The following HLA-DQB2 variants were observed in gnomAD, a reference collection of about 807,000 sequenced individuals.
HLA-DQB2 encodes the protein HLA class II histocompatibility antigen, DQ beta 2 chain.
A neutral mutation model predicts 29.2 loss-of-function variants in HLA-DQB2; 24 were observed. That is an observed-to-expected ratio of 0.82 (90% CI 0.60 to 1.16). HLA-DQB2 has a LOEUF of 1.16. Ranked by LOEUF, HLA-DQB2 falls within the 50% of genes most tolerant of loss-of-function variation. The pLI, the probability that HLA-DQB2 is intolerant of heterozygous loss-of-function variation, is 0.00. For synonymous variants in HLA-DQB2, 104 were observed against 133.1 expected, an observed-to-expected ratio of 0.78 and a Z score of 1.51; for missense variants, 273 against 343.6, an observed-to-expected ratio of 0.79 and a Z score of 1.62.
chr6:32,760,281 A>G (rs1468683422), intron 2 of HLA-DQB2, among the ~76,000 whole-genome samples: 2 of 152,008 alleles, frequency 1.3e-5, no homozygotes, highest in Non-Finnish European at 2.9e-5. Flanking sequence ...AACAGGCAGG[A>G]ATAGACCCAT....
chr6:32,761,575 A>C, intron 2 of HLA-DQB2, 85 bp downstream of exon 2: 1 of 1,421,314 alleles, frequency 7.0e-7, no homozygotes. Flanking sequence ...TCGGTCCTTG[A>C]GGCCGCGCCG....
chr6:32,759,017 C>G lies in HLA-DQB2; in HGVS notation c.479G>C (p.Arg160Pro), dbSNP rs576438613. 2.8e-5 allele frequency: 46 copies of G among 1,614,132 alleles called. No individual in the cohort carries two copies. The highest frequency in any genetic ancestry group is 3.9e-5 in the Non-Finnish European group (46 of 1,180,058). ...YPAQIKVRWFRNDQEETAGVV... is the reference protein window; with the variant it reads ...YPAQIKVRWFPNDQEETAGVV... ...ACCGGCTGTCTCCTCCTGGTCATTC[C>G]GAAACCACCGGACTTTGATCTGGGC... The change falls in exon 3 of 6, where the codon CGG (arginine) becomes CCG (proline). Residue 160 changes from arginine (R) to proline (P), a missense_variant. Transcript: ENST00000437316.
At chr6:32,758,081 C>T (rs899729797) in intron 3 of HLA-DQB2, among the ~76,000 whole-genome samples, 198 bp from the exon 4 acceptor site, 7 of 152,200 alleles carry the variant, frequency 4.6e-5, no homozygotes, top group Non-Finnish European at 7.3e-5. Flanking sequence ...GGACTTCATC[C>T]ATAACCTTAA....
intron 5 of HLA-DQB2, chr6:32,757,036 T>TTTTGAGACAGAC (rs1764318713): frequency 7.2e-7 from 1 of 1,382,382 alleles, no homozygotes. Context: ...TTTTTTTTTT[T>TTTTGAGACAGAC]TGAGACAGAC....
chr6:32,759,261 G>A (rs780211868), intron 2 of HLA-DQB2, 130 bp from the exon 3 acceptor site: 78,153 of 869,250 alleles, frequency 0.09, no homozygotes, highest in Middle Eastern at 0.12. Context: ...TTGGATTAAG[G>A]TTCCTTCAAC....
Position 32,758,874 on chromosome 6 carries a change from G to A in HLA-DQB2, c.622C>T (p.Gln208Ter). Residue 208 changes from glutamine to a stop codon, truncating the protein, a stop_gained, in exon 3 of 6, where the codon CAG (glutamine) becomes TAG (stop). Coordinates refer to ENST00000437316, the MANE Select transcript of HLA-DQB2 (RefSeq NM_001300790.2). LOFTEE classifies it high-confidence loss of function. Reference protein sequence around the residue: ...YTCQVEHPSLQSPITVEWRAQ... With the variant: ...YTCQVEHPSL The stretch of plus-strand genomic sequence containing the variant: ...CGCCACTCCACGGTGATGGGGCTCT[G>A]GAGGCTGGGGTGCTCCACTTGGCAG... 1 of 1,613,978 alleles carries A rather than the reference G, an allele frequency of 6.2e-7. No individual in the cohort carries two copies. The highest frequency in any genetic ancestry group is 2.2e-5 in the East Asian group (1 of 44,888).
rs1401009326 is a variant in HLA-DQB2, at chr6:32,761,887, G to A, written c.137C>T (p.Thr46Ile). The change falls in exon 2 of 6, where the codon ACC becomes ATC. Residue 46 changes from threonine to isoleucine, a missense_variant. By Grantham distance (89) the Thr-to-Ile change is moderately conservative (BLOSUM62 -1). Transcript: ENST00000437316. ...ACCGCGCACGCGCTCTGTCCCGTTGGTGAAGTAGCACATGCCCTTAAACTG... is the reference window on the plus strand; with the variant it reads ...ACCGCGCACGCGCTCTGTCCCGTTGATGAAGTAGCACATGCCCTTAAACTG... ...LVQFKGMCYF[T>I]NGTERVRGVA... 6.2e-7 allele frequency: 1 copy of A among 1,612,600 alleles called. No homozygotes were observed. Among genetic ancestry groups the A allele is most frequent in the Non-Finnish European group, 8.5e-7 (1 of 1,179,474 alleles).
rs1249187938 is a variant in HLA-DQB2, at chr6:32,763,364, C to T, written c.97+10G>A. On this transcript the variant is annotated intron_variant, in intron 1 of 5. Transcript: ENST00000437316. ...GTGGTGGCTCTCGAGAGCAGCTGCC[C>T]TGCACTTACTGGGAAAGTCTCTGGC... 54 of 1,529,786 alleles carry T rather than the reference C, an allele frequency of 3.5e-5. No individual in the cohort carries two copies. Among genetic ancestry groups the T allele is most frequent in the Non-Finnish European group, 4.6e-5 (52 of 1,126,344 alleles). The allele number at this position is 1,529,786 out of a possible 1,614,324, so 94.8% of individuals were successfully genotyped here.
Position 32,756,405 on chromosome 6 carries a change from G to T in HLA-DQB2, c.*48C>A. ...TAGGAATTCTGGGCAGGGGCAGGTG[G>T]GCATTACAGAAGAGTGATGACCAAT... On this transcript the variant is annotated 3_prime_UTR_variant, in exon 6 of 6. Coordinates refer to ENST00000437316, the MANE Select transcript of HLA-DQB2 (RefSeq NM_001300790.2). 8.8e-7 allele frequency: 1 copy of T among 1,132,490 alleles called. No individual in the cohort carries two copies. The highest frequency in any genetic ancestry group is 1.5e-5 in the African/African-American group (1 of 64,842). 70.2% of individuals were successfully genotyped at this position (1,132,490 alleles called of 1,614,324 possible).
chr6:32,761,257 G>A (rs1009912008), intron 2 of HLA-DQB2, among the ~76,000 whole-genome samples: 170 of 145,810 alleles, frequency 1.2e-3, no homozygotes, highest in Middle Eastern at 3.5e-3. Context: ...GGCCTTGCTG[G>A]GTGGGGCAGT....
At chr6:32,759,666 A>C (rs1359481320) in intron 2 of HLA-DQB2, among the ~76,000 whole-genome samples, 1 of 151,750 alleles carries the variant, frequency 6.6e-6, no homozygotes, top group African/African-American at 2.4e-5. Context: ...CTTTTTCTTA[A>C]TTTCCTTTTA....
Position 32,757,662 on chromosome 6 carries a change from G to A in HLA-DQB2, c.757+111C>T, listed in dbSNP as rs1210599474. 6 of 731,296 alleles carry A rather than the reference G, an allele frequency of 8.2e-6. No individual in the cohort carries two copies. The South Asian group carries it at 1.2e-4, about 15-fold the overall frequency. 45.3% of individuals were successfully genotyped at this position (731,296 alleles called of 1,614,324 possible). A position where few individuals can be genotyped will look rare whatever the true frequency, so the allele number is the denominator to read the frequency against. ...TCCTCCAATCTTGTCCTGTCTCCTC[G>A]CACTTCCTCTCAGGGTAAGGAGGAA... is the stretch of plus-strand genomic sequence containing the variant. On this transcript the variant is annotated intron_variant, in intron 4 of 5. Transcript: ENST00000437316.
chr6:32,758,955 T>A lies in HLA-DQB2; in HGVS notation c.541A>T (p.Thr181Ser). Residue 181 changes from threonine to serine, a missense_variant, in exon 3 of 6, where the codon ACC (threonine) becomes TCC (serine). Transcript: ENST00000437316. ...STSLIRNGDW[T>S]FQILVMLEIT... ...TCCAGCATCACCAGAATCTGGAAGG[T>A]CCAGTCACCATTCCTAATGAGGGAG... 1 of 1,614,240 alleles carries A rather than the reference T, an allele frequency of 6.2e-7. No homozygotes were observed.
Position 32,756,108 on chromosome 6 carries a change from T to A in HLA-DQB2, c.*345A>T. The A allele has an allele frequency of 3.0e-6, 1 of 333,794 alleles. No individual in the cohort carries two copies. Among genetic ancestry groups the A allele is most frequent in the South Asian group, 7.7e-5 (1 of 13,034 alleles). The allele number at this position is 333,794 out of a possible 1,614,324, so 20.7% of individuals were successfully genotyped here. A position where few individuals can be genotyped will look rare whatever the true frequency, so the allele number is the denominator to read the frequency against. ...AGTTCCGAATACAGATAACTCAGAATCAGGTTTAATTATGGGAAAAAGCAC... is the reference window on the plus strand; with the variant it reads ...AGTTCCGAATACAGATAACTCAGAAACAGGTTTAATTATGGGAAAAAGCAC... On this transcript the variant is annotated 3_prime_UTR_variant, in exon 6 of 6. Coordinates refer to ENST00000437316, the MANE Select transcript of HLA-DQB2 (RefSeq NM_001300790.2).
chr6:32,761,777 G>C lies in HLA-DQB2; in HGVS notation c.247C>G (p.Arg83Gly). The part of the protein sequence containing the change: ...GEFQAVTELG[R>G]SIEDWNNYKD... ...TAGTTGTTCCAGTCCTCGATGCTCC[G>C]CCCCAGCTCGGTCACCGCCTGGAAC... Residue 83 changes from arginine (R) to glycine (G), a missense_variant, in exon 2 of 6, where the codon CGG becomes GGG. Physicochemically the swap from Arg to Gly is moderately radical, Grantham distance 125 (BLOSUM62 -2). Coordinates refer to ENST00000437316, the MANE Select transcript of HLA-DQB2 (RefSeq NM_001300790.2). 1 of 1,581,188 alleles carries C rather than the reference G, an allele frequency of 6.3e-7. No homozygotes were observed. Among genetic ancestry groups the C allele is most frequent in the Non-Finnish European group, 8.6e-7 (1 of 1,163,812 alleles).
In HLA-DQB2 at chr6:32,757,810, G is replaced by C; in HGVS notation, c.720C>G (p.Leu240=). The C allele has an allele frequency of 6.2e-7, 1 of 1,613,688 alleles. No individual in the cohort carries two copies. Among genetic ancestry groups the C allele is most frequent in the Non-Finnish European group, 8.5e-7 (1 of 1,179,806 alleles). The change falls in exon 4 of 6, where the codon CTC becomes CTG. Residue 240 remains leucine (L), a synonymous_variant. Coordinates refer to ENST00000437316, the MANE Select transcript of HLA-DQB2 (RefSeq NM_001300790.2). Reference sequence around the variant, plus strand: ...TGTGACGGATGATAAGGCCCAGCCCGAGGAAGATCAGCCCCAGCACGAAGC... The same window carrying C: ...TGTGACGGATGATAAGGCCCAGCCCCAGGAAGATCAGCCCCAGCACGAAGC... ...IGGFVLGLIF[L]GLGLIIRHRG...
At chr6:32,762,077 C>T (rs544891124) in intron 1 of HLA-DQB2, among the ~76,000 whole-genome samples, 151 bp from the exon 2 acceptor site, 1 of 152,088 alleles carries the variant, frequency 6.6e-6, no homozygotes, top group African/African-American at 2.4e-5. Flanking sequence ...GCCCGTGCCT[C>T]GTGCTCCGGA....
intron 2 of HLA-DQB2, among the ~76,000 whole-genome samples, chr6:32,761,299 C>CGGAAAT (rs1764778807): frequency 6.9e-6 from 1 of 143,926 alleles, no homozygotes; most frequent in Non-Finnish European, 1.5e-5. Context: ...GGGAAGAGGG[C>CGGAAAT]GGGCATTCGG....
intron 5 of HLA-DQB2, 37 bp downstream of exon 5, chr6:32,757,244 G>A: frequency 6.5e-7 from 1 of 1,550,156 alleles, no homozygotes; most frequent in Non-Finnish European, 8.7e-7. Flanking sequence ...TTATGCCTGT[G>A]CCCTCTCCCC....
Sources: allele counts gnomAD v4.1 joint callset (sites outside exome capture counted in the v4.1 genomes callset), GRCh38; gene constraint gnomAD v4.1.1; transcripts MANE v1.5; gene names NCBI Gene and HGNC (gene_info 2026-07-23, HGNC 2026-07-21).